The following SLC35F4 variants were observed in gnomAD, a reference collection of about 807,000 sequenced individuals.
SLC35F4 encodes solute carrier family 35 member F4, also known as chromosome 14 open reading frame 36.
Under a neutral mutation model 44.2 loss-of-function variants are expected in SLC35F4, and 24 were observed. The observed-to-expected ratio is 0.54, with a 90% CI of 0.39 to 0.76. SLC35F4 has a LOEUF of 0.76. SLC35F4 is among the 30% of genes least tolerant of loss of function. The pLI is 0.00. For missense variants in SLC35F4, 562 were observed against 586.1 expected (o/e 0.96, Z 0.42); for synonymous variants, 238 against 223.6 (o/e 1.06, Z -0.57).
intron 1 of SLC35F4, among the ~76,000 whole-genome samples, chr14:57,792,281 T>C (rs943682694): frequency 2.0e-5 from 3 of 151,976 alleles, no homozygotes; most frequent in African/African-American, 7.2e-5. Flanking sequence ...ATGGATGTGG[T>C]GATCAGTGAA....
At chr14:57,643,916 C>A (rs2073366497) in intron 1 of SLC35F4, among the ~76,000 whole-genome samples, 2 of 152,052 alleles carry the variant, frequency 1.3e-5, no homozygotes, top group African/African-American at 4.8e-5. Flanking sequence ...TGGTTTCCAG[C>A]TTCATCCATG....
At chr14:57,710,001 C>A (rs12436491) in intron 1 of SLC35F4, among the ~76,000 whole-genome samples, 22,301 of 152,204 alleles carry the variant, frequency 0.15, 1,999 homozygotes, top group East Asian at 0.28. Context: ...TAACAAGGAG[C>A]CAAATGATAA....
chr14:57,755,366 G>T (rs2076972425), intron 1 of SLC35F4, among the ~76,000 whole-genome samples: 1 of 152,164 alleles, frequency 6.6e-6, no homozygotes, highest in African/African-American at 2.4e-5. Context: ...TCATAACCCA[G>T]AGAGTAGGGA....
chr14:57,751,475 A>T (rs2076882748), intron 1 of SLC35F4, among the ~76,000 whole-genome samples: 1 of 152,166 alleles, frequency 6.6e-6, no homozygotes, highest in Admixed American at 6.5e-5. Flanking sequence ...ATGTTCTACT[A>T]TGCTGTTTTT....
intron 1 of SLC35F4, among the ~76,000 whole-genome samples, chr14:57,824,821 C>T (rs1189943236): frequency 2.6e-5 from 4 of 151,944 alleles, no homozygotes; most frequent in South Asian, 4.2e-4. Flanking sequence ...TATTCAGGGC[C>T]TTAGAGGCTA....
intron 1 of SLC35F4, among the ~76,000 whole-genome samples, chr14:57,692,661 G>T (rs2075269665): frequency 1.3e-5 from 2 of 151,978 alleles, no homozygotes; most frequent in African/African-American, 2.4e-5. Context: ...TTACCTAATT[G>T]TATATTTCTA....
chr14:57,630,583 G>A (rs2072719839), intron 1 of SLC35F4: 1 of 955,814 alleles, frequency 1.0e-6, no homozygotes, highest in Non-Finnish European at 1.7e-6. Flanking sequence ...AGGAATTAGG[G>A]AAAAAAAGAA....
At chr14:57,835,977 A>C (rs148879314) in intron 1 of SLC35F4, among the ~76,000 whole-genome samples, 196 of 152,362 alleles carry the variant, frequency 1.3e-3, no homozygotes, top group African/African-American at 4.5e-3. Flanking sequence ...TCCAAGAAAC[A>C]GAACCATCTG....
chr14:57,720,979 CAT>C (rs3062932), intron 1 of SLC35F4, among the ~76,000 whole-genome samples: 4,127 of 49,622 alleles, frequency 0.083, 163 homozygotes, highest in African/African-American at 0.17. Context: ...ATAAACTCCT[CAT>C]ATATATATAT....
At chr14:57,738,272 C>T (rs1039532902) in intron 1 of SLC35F4, among the ~76,000 whole-genome samples, 1 of 152,104 alleles carries the variant, frequency 6.6e-6, no homozygotes, top group African/African-American at 2.4e-5. Flanking sequence ...GAGTATAAAT[C>T]CAGACAGAAA....
chr14:57,794,900 T>C (rs2078019034), intron 1 of SLC35F4, among the ~76,000 whole-genome samples: 1 of 152,184 alleles, frequency 6.6e-6, no homozygotes, highest in African/African-American at 2.4e-5. Flanking sequence ...TTTTGGAGAT[T>C]AATGAAAAGA....
In SLC35F4 at chr14:57,581,424, A is replaced by G. The variant is rs61746391; in HGVS notation, c.597T>C (p.Ser199=). The G allele has an allele frequency of 0.028, 44,415 of 1,609,022 alleles. 798 individuals are homozygous for G. Among genetic ancestry groups the G allele is most frequent in the South Asian group, 0.055 (4,934 of 89,904 alleles). The change falls in exon 4 of 8, where the codon AGT becomes AGC. Residue 199 remains serine (S), a synonymous_variant. Transcript: ENST00000556826. ...TCAGACCATCTTCACCAAAAATCCGACTGCATTCCCTAGGAAAGAAAAGAG... is the reference window on the plus strand; with the variant it reads ...TCAGACCATCTTCACCAAAAATCCGGCTGCATTCCCTAGGAAAGAAAAGAG... ...QSPMKKFREC[S]RIFGEDGLTL...
chr14:57,949,910 G>A (rs1469149556), intron 1 of SLC35F4, among the ~76,000 whole-genome samples: 1 of 152,162 alleles, frequency 6.6e-6, no homozygotes, highest in Non-Finnish European at 1.5e-5. Flanking sequence ...TAGTCTGATA[G>A]GTTTTCCTTT....
intron 1 of SLC35F4, among the ~76,000 whole-genome samples, chr14:57,846,107 AG>A (rs112804317): frequency 1.3e-5 from 2 of 152,234 alleles, no homozygotes; most frequent in African/African-American, 4.8e-5. Context: ...TAAGAAAGGA[AG>A]GGGAAAAAAA....
intron 1 of SLC35F4, among the ~76,000 whole-genome samples, chr14:57,623,990 C>CA (rs1051679572): frequency 1.3e-5 from 2 of 152,012 alleles, no homozygotes; most frequent in East Asian, 1.9e-4. Context: ...AAAATCCCTT[C>CA]AAAAAATCAA....
intron 1 of SLC35F4, among the ~76,000 whole-genome samples, chr14:57,822,519 A>G (rs1046144358): frequency 2.0e-5 from 3 of 152,156 alleles, no homozygotes; most frequent in Non-Finnish European, 4.4e-5. Flanking sequence ...GCCATCTGAC[A>G]GTTCTTAAGT....
rs2068418362 is a variant in SLC35F4, at chr14:57,570,052, A to G, written c.934-72T>C. On this transcript the variant is annotated intron_variant, in intron 5 of 7. Transcript: ENST00000556826. The stretch of plus-strand genomic sequence containing the variant: ...GCAGAAACGTAAGTCTTACTGTTCC[A>G]TACTGTGAGCTAACTGGCCCAGAGT... 2.2e-6 allele frequency: 3 copies of G among 1,386,724 alleles called. No individual in the cohort carries two copies. The African/African-American group carries it at 4.4e-5, about 20-fold the overall frequency. The allele number at this position is 1,386,724 out of a possible 1,614,324, so 85.9% of individuals were successfully genotyped here. A position where few individuals can be genotyped will look rare whatever the true frequency, so the allele number is the denominator to read the frequency against.
intron 1 of SLC35F4, among the ~76,000 whole-genome samples, chr14:57,897,619 G>A (rs1032216328): frequency 6.6e-6 from 1 of 151,966 alleles, no homozygotes; most frequent in Non-Finnish European, 1.5e-5. Flanking sequence ...GCCTCTTGGG[G>A]CTCAGTGAAA....
intron 4 of SLC35F4, among the ~76,000 whole-genome samples, chr14:57,577,038 C>T (rs1234858657): frequency 6.6e-6 from 1 of 152,166 alleles, no homozygotes; most frequent in East Asian, 1.9e-4. Context: ...CCATCCTCCA[C>T]TGCCTCTTCC....
Sources: allele counts gnomAD v4.1 joint callset (sites outside exome capture counted in the v4.1 genomes callset), GRCh38; gene constraint gnomAD v4.1.1; transcripts MANE v1.5; gene names NCBI Gene and HGNC (gene_info 2026-07-23, HGNC 2026-07-21).